Variants in PROKR1 observed in about 807,000 individuals in gnomAD.
PROKR1 encodes the protein prokineticin receptor 1.
In PROKR1, 21 loss-of-function variants were observed where a neutral mutation model predicts 22.8. The observed-to-expected ratio is 0.92, with a 90% CI of 0.65 to 1.32. The LOEUF is 1.32. PROKR1 is among the 40% of genes most tolerant of loss of function. PROKR1 has a pLI of 0.00. For synonymous variants in PROKR1, 193 were observed against 207.5 expected, an observed-to-expected ratio of 0.93 and a Z score of 0.60; for missense variants, 548 against 514.2, an observed-to-expected ratio of 1.07 and a Z score of -0.64.
At chr2:68,650,139 T>C (rs984865331) in intron 2 of PROKR1, among the ~76,000 whole-genome samples, 10 of 151,384 alleles carry the variant, frequency 6.6e-5, no homozygotes, top group Non-Finnish European at 8.9e-5. Flanking sequence ...GTGGGTGCAG[T>C]GCACCAGCAT....
intron 2 of PROKR1, among the ~76,000 whole-genome samples, chr2:68,652,423 T>G (rs1348305025): frequency 1.3e-5 from 2 of 152,230 alleles, no homozygotes; most frequent in African/African-American, 4.8e-5. Context: ...TTTGTAAATA[T>G]ATCAGGAAGG....
In PROKR1 at chr2:68,655,881, T is replaced by C. The variant is rs1673444519; in HGVS notation, c.*305T>C. 5 of 421,862 alleles carry C rather than the reference T, an allele frequency of 1.2e-5. No homozygotes were observed. Among genetic ancestry groups the C allele is most frequent in the Non-Finnish European group, 2.2e-5 (5 of 225,886 alleles). 26.1% of individuals were successfully genotyped at this position (421,862 alleles called of 1,614,324 possible). A position where few individuals can be genotyped will look rare whatever the true frequency, so the allele number is the denominator to read the frequency against. On this transcript the variant is annotated 3_prime_UTR_variant, in exon 3 of 3. Coordinates refer to ENST00000303786, the MANE Select transcript of PROKR1 (RefSeq NM_138964.4). ...TTAAACCAAGGAAAATGTGGTGGTG[T>C]AGATAGAAATAAGGGAGTTTCCACA...
rs1227993346 is a variant in PROKR1, at chr2:68,643,867, C to G, written c.-161+19C>G. Reference sequence around the variant, plus strand: ...GCCGCAGGTACAGAGCGCGCCCTCCCGGGGAGGATGCTCCAGGGACCCCGC... The same window carrying G: ...GCCGCAGGTACAGAGCGCGCCCTCCGGGGGAGGATGCTCCAGGGACCCCGC... On this transcript the variant is annotated intron_variant, in intron 1 of 2. Coordinates refer to ENST00000303786, the MANE Select transcript of PROKR1 (RefSeq NM_138964.4). 5 of 152,312 alleles carry G rather than the reference C, an allele frequency of 3.3e-5. No individual in the cohort carries two copies. The highest frequency in any genetic ancestry group is 9.6e-5 in the African/African-American group (4 of 41,476). 9.4% of individuals were successfully genotyped at this position (152,312 alleles called of 1,614,324 possible). A position where few individuals can be genotyped will look rare whatever the true frequency, so the allele number is the denominator to read the frequency against.
At position 68,655,462 on chromosome 2, in the gene PROKR1, C is replaced by G. The variant is rs755357809; in HGVS notation, c.1068C>G (p.Ile356Met). 3 of 1,614,090 alleles carry G rather than the reference C, an allele frequency of 1.9e-6. No individual in the cohort carries two copies. The South Asian group carries it at 3.3e-5, about 18-fold the overall frequency. ...ACACCGTCAAGTACTTCAAAAAGAT[C>G]ATGTTGCTCCACTGGAAGGCTTCTT... ...KNDTVKYFKK[I>M]MLLHWKASYN... Residue 356 changes from isoleucine to methionine, a missense_variant, in exon 3 of 3, where the codon ATC (isoleucine) becomes ATG (methionine). By Grantham distance (10) the Ile-to-Met change is conservative (BLOSUM62 1). Coordinates refer to ENST00000303786, the MANE Select transcript of PROKR1 (RefSeq NM_138964.4).
At chr2:68,651,608 ACCT>A (rs1673332838) in intron 2 of PROKR1, among the ~76,000 whole-genome samples, 1 of 151,966 alleles carries the variant, frequency 6.6e-6, no homozygotes, top group South Asian at 2.1e-4. Flanking sequence ...AAGCACAGAA[ACCT>A]CCTGGTGAGC....
chr2:68,648,344 T>C (rs771364142), intron 2 of PROKR1, among the ~76,000 whole-genome samples: 2 of 152,220 alleles, frequency 1.3e-5, no homozygotes, highest in Non-Finnish European at 2.9e-5. Flanking sequence ...CCTCCTTTCA[T>C]ACCAAACAGA....
rs1037749628 is a variant in PROKR1 at position 68,657,107 on chromosome 2, G to T, written c.*1531G>T. Reference sequence around the variant, plus strand: ...TGTCAACTGTGTAGCCCTGGGCAAAGCCTCTCCGAGGGGACAAAGGTAACA... The same window carrying T: ...TGTCAACTGTGTAGCCCTGGGCAAATCCTCTCCGAGGGGACAAAGGTAACA... On this transcript the variant is annotated 3_prime_UTR_variant, in exon 3 of 3. Coordinates refer to ENST00000303786, the MANE Select transcript of PROKR1 (RefSeq NM_138964.4). 9.2e-5 allele frequency: 14 copies of T among 152,276 alleles called. No individual in the cohort carries two copies. The highest frequency in any genetic ancestry group is 7.8e-4 in the Admixed American group (12 of 15,302). 9.4% of individuals were successfully genotyped at this position (152,276 alleles called of 1,614,324 possible).
chr2:68,651,231 C>T (rs1673318130), intron 2 of PROKR1, among the ~76,000 whole-genome samples: 1 of 152,080 alleles, frequency 6.6e-6, no homozygotes, highest in African/African-American at 2.4e-5. Context: ...GGCATGGTGG[C>T]ATGTGCCTGT....
In PROKR1 at chr2:68,645,814, C is replaced by T; in HGVS notation, c.-8C>T. 5 of 1,614,178 alleles carry T rather than the reference C, an allele frequency of 3.1e-6. No homozygotes were observed. The highest frequency in any genetic ancestry group is 4.2e-6 in the Non-Finnish European group (5 of 1,180,028). On this transcript the variant is annotated 5_prime_UTR_variant, in exon 2 of 3. Coordinates refer to ENST00000303786, the MANE Select transcript of PROKR1 (RefSeq NM_138964.4). ...TGAGCAGTGTTGCTCACAGCACCAC[C>T]TGGCCAGATGGAGACCACCATGGGG... is the stretch of plus-strand genomic sequence containing the variant.
At chr2:68,646,866 AT>A (rs1673189298) in intron 2 of PROKR1, among the ~76,000 whole-genome samples, 1 of 152,116 alleles carries the variant, frequency 6.6e-6, no homozygotes, top group Non-Finnish European at 1.5e-5. Flanking sequence ...TGGGCAACAT[AT>A]CCAGACCTCA....
intron 2 of PROKR1, among the ~76,000 whole-genome samples, chr2:68,653,763 C>A (rs1261277626): frequency 6.6e-6 from 1 of 152,172 alleles, no homozygotes; most frequent in African/African-American, 2.4e-5. Context: ...TCATGCCGCA[C>A]AATGACTCAT....
rs753677083 is a variant in PROKR1, at chr2:68,655,182, C to T, written c.788C>T (p.Ala263Val). Residue 263 changes from alanine to valine, a missense_variant, in exon 3 of 3, where the codon GCG (alanine) becomes GTG (valine). By Grantham distance (64) the Ala-to-Val change is moderately conservative. Transcript: ENST00000303786. Reference protein sequence around the residue: ...ARISRELWFKAVPGFQTEQIR... With the variant: ...ARISRELWFKVVPGFQTEQIR... ...ATCTCCCGGGAGCTCTGGTTCAAGGCGGTCCCTGGATTCCAGACAGAGCAG... is the reference window on the plus strand; with the variant it reads ...ATCTCCCGGGAGCTCTGGTTCAAGGTGGTCCCTGGATTCCAGACAGAGCAG... 1.9e-6 allele frequency: 3 copies of T among 1,614,222 alleles called. No individual in the cohort carries two copies. Among genetic ancestry groups the T allele is most frequent in the Admixed American group, 1.7e-5 (1 of 60,030 alleles).
intron 2 of PROKR1, among the ~76,000 whole-genome samples, chr2:68,650,816 A>G (rs1673299342): frequency 6.6e-6 from 1 of 152,180 alleles, no homozygotes; most frequent in Non-Finnish European, 1.5e-5. Flanking sequence ...AGGAGGCTTC[A>G]TGGAGGAGGT....
At chr2:68,651,188 C>A (rs954947115) in intron 2 of PROKR1, among the ~76,000 whole-genome samples, 4 of 149,366 alleles carry the variant, frequency 2.7e-5, no homozygotes, top group Non-Finnish European at 4.5e-5. Context: ...ATAGGTAGAT[C>A]CTGTCTCTAC....
chr2:68,644,043 G>C (rs1673122649), intron 1 of PROKR1, among the ~76,000 whole-genome samples, 195 bp downstream of exon 1: 1 of 152,162 alleles, frequency 6.6e-6, no homozygotes, highest in Admixed American at 6.5e-5. Context: ...AGAAAGTTGG[G>C]AGCAGGCGGG....
rs527645419 is a variant in PROKR1, at chr2:68,647,055, T to A, written c.485+749T>A. ...AGAGGGAGACCTTGTCTCTAAAAAATAAATAAATAAATAAAAATAAAAAGA... is the reference window on the plus strand; with the variant it reads ...AGAGGGAGACCTTGTCTCTAAAAAAAAAATAAATAAATAAAAATAAAAAGA... On this transcript the variant is annotated intron_variant, in intron 2 of 2. Coordinates refer to ENST00000303786, the MANE Select transcript of PROKR1 (RefSeq NM_138964.4). Among the ~76,000 whole-genome samples, 5 of 151,632 alleles carry A rather than the reference T, an allele frequency of 3.3e-5. No homozygotes were observed. In the East Asian group the frequency reaches 5.8e-4, roughly 18 times the overall value.
At chr2:68,651,169 C>T (rs1673315932) in intron 2 of PROKR1, among the ~76,000 whole-genome samples, 1 of 151,828 alleles carries the variant, frequency 6.6e-6, no homozygotes, top group Admixed American at 6.6e-5. Context: ...CAAGATCAGC[C>T]TGGGCAACAT....
Position 68,645,989 on chromosome 2 carries a change from G to A in PROKR1, c.168G>A (p.Arg56=). 1 of 1,614,244 alleles carries A rather than the reference G, an allele frequency of 6.2e-7. No individual in the cohort carries two copies. The highest frequency in any genetic ancestry group is 8.5e-7 in the Non-Finnish European group (1 of 1,180,044). ...AAGATGAGGATGTGACCAATTCCAG[G>A]ACGTTCTTTGCTGCCAAGATTGTCA... ...LDEDEDVTNS[R]TFFAAKIVIG... is the part of the protein sequence containing the mutation. Residue 56 remains arginine (R), a synonymous_variant, in exon 2 of 3, where the codon AGG becomes AGA. Transcript: ENST00000303786.
Position 68,645,726 on chromosome 2 carries a change from G to A in PROKR1, c.-96G>A. ...GGCAGAGACATTCTGACTCATTAAG[G>A]GAGAGCTGGCTGATAGCAGAGAGGG... On this transcript the variant is annotated 5_prime_UTR_variant, in exon 2 of 3. Transcript: ENST00000303786. The A allele has an allele frequency of 6.4e-7, 1 of 1,555,132 alleles. No individual in the cohort carries two copies.
Sources: allele counts gnomAD v4.1 joint callset (sites outside exome capture counted in the v4.1 genomes callset), GRCh38; gene constraint gnomAD v4.1.1; transcripts MANE v1.5; gene names NCBI Gene and HGNC (gene_info 2026-07-23, HGNC 2026-07-21).